Variants in PRKN observed in about 807,000 individuals in gnomAD.
PRKN encodes the protein E3 ubiquitin-protein ligase parkin.
PRKN carries 56 observed loss-of-function variants against 59.5 expected under a neutral mutation model. The observed-to-expected ratio is 0.94, with a 90% confidence interval of 0.76 to 1.18. The LOEUF is 1.18. Among genes scored for constraint, PRKN ranks in the 50% most tolerant of loss-of-function variants. The probability of loss-of-function intolerance (pLI) is 0.00; values close to 1 mark genes in which losing one functional copy is unlikely to be tolerated. For synonymous variants in PRKN, 250 were observed against 222.1 expected (o/e 1.13, Z -1.12); for missense variants, 657 against 596.4 (o/e 1.10, Z -1.06).
intron 6 of PRKN, among the ~76,000 whole-genome samples, chr6:161,931,544 G>A (rs904931697): frequency 2.0e-5 from 3 of 152,108 alleles, no homozygotes; most frequent in Non-Finnish European, 4.4e-5. Context: ...ATTGTAAAAA[G>A]TAGATTTCTT....
chr6:161,813,441 T>C (rs1003436020), intron 6 of PRKN, among the ~76,000 whole-genome samples: 1 of 152,098 alleles, frequency 6.6e-6, no homozygotes, highest in East Asian at 1.9e-4. Context: ...TGAGTTTCCT[T>C]CTCCTTCTCT....
intron 4 of PRKN, among the ~76,000 whole-genome samples, chr6:162,166,347 GA>G (rs1782989909): frequency 6.6e-6 from 1 of 151,882 alleles, no homozygotes; most frequent in South Asian, 2.1e-4. Context: ...AATTGTGGTG[GA>G]AAAAAAATCA....
intron 2 of PRKN, among the ~76,000 whole-genome samples, chr6:162,370,178 C>A (rs1785674079): frequency 6.6e-6 from 1 of 152,206 alleles, no homozygotes; most frequent in Non-Finnish European, 1.5e-5. Context: ...CAGCTCTTGA[C>A]TGCATCTCGT....
intron 1 of PRKN, among the ~76,000 whole-genome samples, chr6:162,529,682 C>G (rs1341249448): frequency 6.6e-6 from 1 of 152,092 alleles, no homozygotes; most frequent in Non-Finnish European, 1.5e-5. Flanking sequence ...CCCACCACAC[C>G]CAGGGCTTAT....
intron 6 of PRKN, among the ~76,000 whole-genome samples, chr6:161,830,331 A>G (rs1251813161): frequency 2.7e-5 from 4 of 150,572 alleles, no homozygotes; most frequent in African/African-American, 9.8e-5. Flanking sequence ...GGCTCACTGC[A>G]AGCTCCGCCT....
chr6:162,160,843 A>G (rs1562550206), intron 4 of PRKN, among the ~76,000 whole-genome samples: 1 of 137,752 alleles, frequency 7.3e-6, no homozygotes, highest in African/African-American at 2.7e-5. Context: ...GTGAGCCTAG[A>G]TCGCGCCACT....
intron 7 of PRKN, among the ~76,000 whole-genome samples, chr6:161,595,593 C>A (rs1475635840): frequency 6.6e-6 from 1 of 151,906 alleles, no homozygotes; most frequent in East Asian, 1.9e-4. Context: ...GGACTCTTCA[C>A]GAAGGCCAAG....
intron 6 of PRKN, among the ~76,000 whole-genome samples, chr6:161,923,651 A>G (rs1396009146): frequency 6.6e-6 from 1 of 152,192 alleles, no homozygotes; most frequent in Non-Finnish European, 1.5e-5. Flanking sequence ...TACTATATGT[A>G]TAACTGTATT....
chr6:162,532,774 G>A lies in PRKN; in HGVS notation c.8-89301C>T, dbSNP rs533994733. The stretch of plus-strand genomic sequence containing the variant: ...TATCGGAAGCAAAACTGAGTATGGT[G>A]TTTTGTACAAGGAACAAAGGAAATA... On this transcript the variant is annotated intron_variant, in intron 1 of 11. Transcript: ENST00000366898. Among the ~76,000 whole-genome samples, 22 of 152,286 alleles carry A rather than the reference G, an allele frequency of 1.4e-4. No individual in the cohort carries two copies. The South Asian group carries it at 4.1e-3, about 29-fold the overall frequency.
chr6:162,139,489 C>T (rs987825497), intron 4 of PRKN, among the ~76,000 whole-genome samples: 5 of 152,040 alleles, frequency 3.3e-5, no homozygotes, highest in African/African-American at 1.2e-4. Context: ...ATGAGGACGT[C>T]GGGTGTGGGA....
intron 2 of PRKN, among the ~76,000 whole-genome samples, chr6:162,305,986 C>G (rs552641896): frequency 1.3e-5 from 2 of 152,104 alleles, no homozygotes; most frequent in Admixed American, 6.6e-5. Context: ...ATTCCCTTGA[C>G]TATTTCACAA....
At chr6:161,914,816 T>G (rs927456598) in intron 6 of PRKN, among the ~76,000 whole-genome samples, 1 of 151,864 alleles carries the variant, frequency 6.6e-6, no homozygotes, top group African/African-American at 2.4e-5. Context: ...ACAGGCTCCA[T>G]TAACAAGCAG....
rs1183789825 is a variant in PRKN at position 162,389,469 on chromosome 6, T to C, written c.171+53841A>G. On this transcript the variant is annotated intron_variant, in intron 2 of 11. Transcript: ENST00000366898. ...CAATGATTAAAAGAAATAAAAAACC[T>C]TTGCATCTTGGCATGCTCATTTAAG... is the stretch of plus-strand genomic sequence containing the variant. Among the ~76,000 whole-genome samples, 3 of 152,176 alleles carry C rather than the reference T, an allele frequency of 2.0e-5. No individual in the cohort carries two copies. In the East Asian group the frequency reaches 5.8e-4, roughly 29 times the overall value.
chr6:161,451,693 G>C lies in PRKN; in HGVS notation c.1084-64816C>G, dbSNP rs1402684305. On this transcript the variant is annotated intron_variant, in intron 9 of 11. Transcript: ENST00000366898. This position sits in a 1 kb window ranked among gnomAD's most constrained non-coding sequence, Gnocchi z 5.9. ...TACAATGCGGATAAATATTAGAAAG[G>C]CCATCCAGGATGCGTCATTTGCAAG... Among the ~76,000 whole-genome samples, 3 of 152,164 alleles carry C rather than the reference G, an allele frequency of 2.0e-5. No individual in the cohort carries two copies. The highest frequency in any genetic ancestry group is 7.2e-5 in the African/African-American group (3 of 41,446).
rs1278282383 is a variant in PRKN at position 161,529,763 on chromosome 6, T to C, written c.1083+19091A>G. Among the ~76,000 whole-genome samples the C allele has an allele frequency of 6.6e-6, 1 of 152,224 alleles. No individual in the cohort carries two copies. Among genetic ancestry groups the C allele is most frequent in the Admixed American group, 6.5e-5 (1 of 15,284 alleles). On this transcript the variant is annotated intron_variant, in intron 9 of 11. Coordinates refer to ENST00000366898, the MANE Select transcript of PRKN (RefSeq NM_004562.3). This position sits in a 1 kb window ranked among gnomAD's most constrained non-coding sequence, Gnocchi z 4.4. ...ACATTATTGGTACAACTGATTTTTG[T>C]CTCTGGCTGGAAAATTTTTCATGGG...
chr6:161,999,663 G>A (rs773734906), intron 5 of PRKN, among the ~76,000 whole-genome samples: 1 of 152,104 alleles, frequency 6.6e-6, no homozygotes, highest in Non-Finnish European at 1.5e-5. Context: ...GTTAGCTGCA[G>A]TGGTAGGCAC....
rs1420032922 is a variant in PRKN at position 161,460,990 on chromosome 6, C to T, written c.1084-74113G>A. Among the ~76,000 whole-genome samples the T allele has an allele frequency of 6.6e-6, 1 of 151,882 alleles. No homozygotes were observed. Among genetic ancestry groups the T allele is most frequent in the Non-Finnish European group, 1.5e-5 (1 of 67,974 alleles). On this transcript the variant is annotated intron_variant, in intron 9 of 11. Transcript: ENST00000366898. The surrounding 1 kb of genome is among the most constrained non-coding windows in gnomAD (Gnocchi z 5.0). Reference sequence around the variant, plus strand: ...GCCAGGATGGTCTTGATCACCTGACCTCATGATCTGCCTGCCTTGGCTTCC... The same window carrying T: ...GCCAGGATGGTCTTGATCACCTGACTTCATGATCTGCCTGCCTTGGCTTCC...
At chr6:162,683,322 C>CA (rs2128233311) in intron 1 of PRKN, among the ~76,000 whole-genome samples, 1 of 152,244 alleles carries the variant, frequency 6.6e-6, no homozygotes, top group South Asian at 2.1e-4. Context: ...CTACTAGTAT[C>CA]AGACAGCAGA....
At chr6:162,460,790 T>C (rs1791115184) in intron 1 of PRKN, among the ~76,000 whole-genome samples, 1 of 152,206 alleles carries the variant, frequency 6.6e-6, no homozygotes, top group African/African-American at 2.4e-5. Context: ...GTTTTTATAA[T>C]GTGACAAAGT....
Sources: allele counts gnomAD v4.1 joint callset (sites outside exome capture counted in the v4.1 genomes callset), GRCh38; gene constraint gnomAD v4.1.1; non-coding constraint Gnocchi (gnomAD v3.1); transcripts MANE v1.5; gene names NCBI Gene and HGNC (gene_info 2026-07-23, HGNC 2026-07-21).